Variants in TACC2 observed in about 807,000 individuals in gnomAD.
TACC2 encodes the protein transforming acidic coiled-coil-containing protein 2.
Under a neutral mutation model 227.3 loss-of-function variants are expected in TACC2, and 137 were observed. The ratio of observed to expected loss-of-function variants is 0.60; its 90% CI spans 0.52 to 0.69. The LOEUF is 0.69. Among genes scored for constraint, TACC2 ranks in the 30% least tolerant of loss-of-function variants. The pLI, the probability that TACC2 is intolerant of heterozygous loss-of-function variation, is 0.00. For missense variants in TACC2, 3,470 were observed against 3,694.4 expected, an observed-to-expected ratio of 0.94 and a Z score of 1.57; for synonymous variants, 1,523 against 1,487.5, an observed-to-expected ratio of 1.02 and a Z score of -0.55.
intron 7 of TACC2, among the ~76,000 whole-genome samples, chr10:122,187,265 T>C (rs2094235015): frequency 6.6e-6 from 1 of 152,122 alleles, no homozygotes; most frequent in African/African-American, 2.4e-5. Flanking sequence ...CTGGACCTGG[T>C]TGTGTGCCCC....
rs1485815811 is a variant in TACC2, at chr10:122,082,476, G to A, written c.147-171G>A. On this transcript the variant is annotated intron_variant, in intron 3 of 22. Coordinates refer to ENST00000369005, the MANE Select transcript of TACC2 (RefSeq NM_206862.4). ...AAACGAGGGCATGCATAATGGTTAT[G>A]GGAGGGGTGCAGGGGGCTCTCACAG... Among the ~76,000 whole-genome samples the A allele has an allele frequency of 3.9e-5, 6 of 152,036 alleles. No individual in the cohort carries two copies. In the East Asian group the frequency reaches 9.7e-4, roughly 25 times the overall value.
At chr10:122,192,533 TC>T (rs1186616152) in intron 7 of TACC2, 5 of 379,126 alleles carry the variant, frequency 1.3e-5, no homozygotes, top group African/African-American at 1.0e-4. Context: ...CCTCGGGGCC[TC>T]CGGACGCTGG....
Position 122,085,698 on chromosome 10 carries a change from C to T in TACC2, c.3198C>T (p.Ala1066=). 1 of 1,613,774 alleles carries T rather than the reference C, an allele frequency of 6.2e-7. No homozygotes were observed. The highest frequency in any genetic ancestry group is 8.5e-7 in the Non-Finnish European group (1 of 1,180,032). The change falls in exon 4 of 23, where the codon GCC becomes GCT. Residue 1066 remains alanine (A), a synonymous_variant. Coordinates refer to ENST00000369005, the MANE Select transcript of TACC2 (RefSeq NM_206862.4). Reference sequence around the variant, plus strand: ...CCTGCCTGCCAGCCCTGGCGCCCGCCAGCCCCGGAGTCACACCCACCCAGG... The same window carrying T: ...CCTGCCTGCCAGCCCTGGCGCCCGCTAGCCCCGGAGTCACACCCACCCAGG... ...AVPCLPALAP[A]SPGVTPTQDA...
chr10:122,086,373 C>A lies in TACC2; in HGVS notation c.3873C>A (p.Leu1291=), dbSNP rs368864486. ...CCTTGAAGCTGTTTGCTGGCTCCCT[C>A]GCCCCCCTGTTGCAACCAGGAGCTG... is the stretch of plus-strand genomic sequence containing the variant. ...AASLKLFAGS[L]APLLQPGAAG... The change falls in exon 4 of 23, where the codon CTC becomes CTA. Residue 1291 remains leucine (L), a synonymous_variant. Coordinates refer to ENST00000369005, the MANE Select transcript of TACC2 (RefSeq NM_206862.4). 4 of 1,613,632 alleles carry A rather than the reference C, an allele frequency of 2.5e-6. No individual in the cohort carries two copies. The highest frequency in any genetic ancestry group is 2.5e-6 in the Non-Finnish European group (3 of 1,180,012).
At position 122,210,770 on chromosome 10, in the gene TACC2, G is replaced by A. The variant is rs781496938; in HGVS notation, c.6345G>A (p.Thr2115=). Residue 2115 remains threonine, a synonymous_variant, in exon 9 of 23, where the codon ACG becomes ACA. Transcript: ENST00000369005. The surrounding 1 kb of genome is among the most constrained non-coding windows in gnomAD (Gnocchi z 4.6). The part of the protein sequence containing the change: ...AVALAPDAYS[T]GSSSASSTLK... ...CCCTTGCCCCAGATGCATATAGCAC[G>A]GGTTCCAGCAGTGCTTCTAGTACCC... 6.8e-6 allele frequency: 11 copies of A among 1,613,592 alleles called. No individual in the cohort carries two copies. Among genetic ancestry groups the A allele is most frequent in the African/African-American group, 1.3e-5 (1 of 74,814 alleles).
Position 122,161,159 on chromosome 10 carries a change from C to T in TACC2, c.5834+17453C>T, listed in dbSNP as rs574150675. Among the ~76,000 whole-genome samples, 510 of 152,228 alleles carry T rather than the reference C, an allele frequency of 3.4e-3. 3 individuals are homozygous for T. Among genetic ancestry groups the T allele is most frequent in the African/African-American group, 0.01 (418 of 41,530 alleles). ...CTATGTTGCCCAGGCTGGTCTTGAA[C>T]TCCTGGGCTCAAGCAATCCTCCCAC... On this transcript the variant is annotated intron_variant, in intron 7 of 22. Coordinates refer to ENST00000369005, the MANE Select transcript of TACC2 (RefSeq NM_206862.4).
intron 7 of TACC2, among the ~76,000 whole-genome samples, chr10:122,147,834 G>T (rs1188858596): frequency 1.3e-5 from 2 of 152,130 alleles, no homozygotes; most frequent in Admixed American, 6.5e-5. Flanking sequence ...TGCCAAGACA[G>T]GAGTGGTTTT....
intron 18 of TACC2, among the ~76,000 whole-genome samples, chr10:122,239,759 G>A (rs74549517): frequency 0.014 from 2,086 of 152,206 alleles, 65 homozygotes; most frequent in African/African-American, 0.048. Flanking sequence ...TAGCTGATGT[G>A]GTAGGATTTC....
At chr10:122,221,112 A>G (rs1011974774) in intron 11 of TACC2, among the ~76,000 whole-genome samples, 3 of 152,264 alleles carry the variant, frequency 2.0e-5, no homozygotes, top group African/African-American at 7.2e-5. Flanking sequence ...TAACTAGGTT[A>G]GAAAGATGCC....
rs575786348 is a variant in TACC2, at chr10:122,211,168, C to T, written c.6743C>T (p.Ser2248Leu). Residue 2248 changes from serine (S) to leucine (L), a missense_variant, in exon 9 of 23, where the codon TCG becomes TTG. By Grantham distance (145) the Ser-to-Leu change is moderately radical. This residue lies in a region of TACC2 where 593 missense variants were observed against 636.6 expected (regional missense o/e 0.93). Coordinates refer to ENST00000369005, the MANE Select transcript of TACC2 (RefSeq NM_206862.4). Reference protein sequence around the residue: ...TAPEAGEVTPSDSGGQEDSPA... With the variant: ...TAPEAGEVTPLDSGGQEDSPA... ...CCGGAGGCAGGGGAGGTAACCCCAT[C>T]GGATAGCGGGGGGCAAGAGGACTCT... 29 of 1,611,556 alleles carry T rather than the reference C, an allele frequency of 1.8e-5. No individual in the cohort carries two copies. The South Asian group carries it at 2.1e-4, about 12-fold the overall frequency.
chr10:122,067,925 C>G (rs753276175), intron 3 of TACC2, among the ~76,000 whole-genome samples: 2 of 152,090 alleles, frequency 1.3e-5, no homozygotes, highest in Non-Finnish European at 2.9e-5. Flanking sequence ...TTGTATCTCC[C>G]CTCCTCCTGT....
At chr10:122,164,064 G>A in intron 7 of TACC2, 1 of 1,527,572 alleles carries the variant, frequency 6.5e-7, no homozygotes, top group South Asian at 1.2e-5. Flanking sequence ...TGTTAGTGTC[G>A]CCTTTCCTAA....
chr10:122,241,823 G>A (rs1267541647), intron 18 of TACC2, 135 bp from the exon 19 acceptor site: 1 of 796,672 alleles, frequency 1.3e-6, no homozygotes. Context: ...GAGCGTGCAG[G>A]GCGAGGGCTG....
chr10:122,163,594 G>C (rs1474826942), intron 7 of TACC2: 3 of 1,006,478 alleles, frequency 3.0e-6, no homozygotes, highest in Non-Finnish European at 2.4e-6. Context: ...CGGCTGCCGG[G>C]GGGTTTAAGA....
chr10:122,064,311 C>T (rs547784672), intron 3 of TACC2, among the ~76,000 whole-genome samples: 1 of 152,280 alleles, frequency 6.6e-6, no homozygotes, highest in African/African-American at 2.4e-5. Context: ...ACACTTCCCT[C>T]CTCCATACAG....
intron 2 of TACC2, among the ~76,000 whole-genome samples, chr10:122,028,502 T>C (rs1958387174): frequency 6.6e-6 from 1 of 152,192 alleles, no homozygotes. Flanking sequence ...GTAAATGGTG[T>C]CATGTTTTTA....
intron 9 of TACC2, among the ~76,000 whole-genome samples, chr10:122,213,920 C>T (rs1330486746): frequency 6.6e-6 from 1 of 152,186 alleles, no homozygotes; most frequent in Non-Finnish European, 1.5e-5. Flanking sequence ...TGAGAGCCAT[C>T]GCCAGGCTGC....
At chr10:122,096,451 C>T (rs1185364757) in intron 5 of TACC2, among the ~76,000 whole-genome samples, 1 of 152,318 alleles carries the variant, frequency 6.6e-6, no homozygotes, top group South Asian at 2.1e-4. Context: ...AATCCCAGCA[C>T]TTTGGGAGGC....
rs1414740055 is a variant in TACC2 at position 122,223,049 on chromosome 10, CTCTCT to C, written c.7547-1675_7547-1671del. Among the ~76,000 whole-genome samples, 616 of 138,844 alleles carry C rather than the reference CTCTCT, an allele frequency of 4.4e-3. 3 individuals are homozygous for C. The highest frequency in any genetic ancestry group is 0.016 in the African/African-American group (571 of 35,820). The allele number at this position is 138,844 out of a possible 152,430, so 91.1% of individuals were successfully genotyped here. On this transcript the variant is annotated intron_variant, in intron 11 of 22. Transcript: ENST00000369005. ...CTCCTTCCTCCTCCTCTCTCTCTCT[CTCTCT>C]TTTTTTTTTTTTTTTTTTTGAGGCA... is the stretch of plus-strand genomic sequence containing the variant.
Sources: gnomAD v4.1 joint callset for allele counts (sites outside exome capture counted in the v4.1 genomes callset) on GRCh38, gnomAD v4.1.1 for gene constraint, gnomAD v4.1.1 regional missense constraint, Gnocchi (gnomAD v3.1) non-coding constraint, MANE v1.5 for transcripts, NCBI Gene and HGNC (gene_info 2026-07-23, HGNC 2026-07-21) for gene names.